Variants in DENND4C observed in about 807,000 individuals in gnomAD.
DENND4C encodes DENN domain-containing protein 4C.
Under a neutral mutation model 203.0 loss-of-function variants are expected in DENND4C, and 108 were observed. The observed-to-expected ratio is 0.53, with a 90% CI of 0.46 to 0.62. The LOEUF (loss-of-function observed/expected upper bound fraction) is 0.62, where lower values mean the gene tolerates loss of function less well. DENND4C is among the 20% of genes least tolerant of loss of function. The pLI is 0.00. For missense variants in DENND4C, 2,481 were observed against 2,301.2 expected (o/e 1.08, Z -1.60); for synonymous variants, 871 against 792.4 (o/e 1.10, Z -1.67).
intron 1 of DENND4C, among the ~76,000 whole-genome samples, chr9:19,267,135 C>G (rs1830667265): frequency 6.6e-6 from 1 of 152,140 alleles, no homozygotes; most frequent in Non-Finnish European, 1.5e-5. Context: ...TCCATTTAGT[C>G]TATAGTGCAG....
intron 1 of DENND4C, among the ~76,000 whole-genome samples, chr9:19,246,382 T>C (rs1183579208): frequency 1.3e-5 from 2 of 152,194 alleles, no homozygotes; most frequent in Non-Finnish European, 2.9e-5. Flanking sequence ...CTTTGTTTGC[T>C]AAGAAGACTA....
intron 24 of DENND4C, among the ~76,000 whole-genome samples, chr9:19,351,280 C>T (rs557003389): frequency 6.6e-6 from 1 of 152,254 alleles, no homozygotes; most frequent in East Asian, 1.9e-4. Context: ...TCAGAATAAT[C>T]TGGGAAATTT....
chr9:19,302,698 C>A (rs150739281), intron 9 of DENND4C, among the ~76,000 whole-genome samples: 2 of 152,320 alleles, frequency 1.3e-5, no homozygotes, highest in African/African-American at 4.8e-5. Flanking sequence ...GTGGCTCTGC[C>A]CTTCAGCAAT....
intron 30 of DENND4C, among the ~76,000 whole-genome samples, chr9:19,367,940 A>C (rs1376408379): frequency 6.6e-6 from 1 of 152,220 alleles, no homozygotes; most frequent in Admixed American, 6.5e-5. Flanking sequence ...CAGAATAAGA[A>C]AATGTATAGA....
chr9:19,348,613 A>G (rs1267750403), intron 23 of DENND4C, among the ~76,000 whole-genome samples: 1 of 152,220 alleles, frequency 6.6e-6, no homozygotes, highest in African/African-American at 2.4e-5. Context: ...AATTAGACGT[A>G]TAAGACTTTT....
At chr9:19,285,219 A>C (rs895771262) in intron 2 of DENND4C, among the ~76,000 whole-genome samples, 19 of 152,162 alleles carry the variant, frequency 1.2e-4, no homozygotes, top group African/African-American at 4.1e-4. Flanking sequence ...CTTTCTGTTC[A>C]CTTCCTTGCT....
chr9:19,232,539 G>T (rs1820841653), intron 1 of DENND4C, among the ~76,000 whole-genome samples: 1 of 152,150 alleles, frequency 6.6e-6, no homozygotes, highest in Non-Finnish European at 1.5e-5. Context: ...AAATTTTGAA[G>T]TTGCATATTG....
chr9:19,234,374 G>T (rs1055598424), intron 1 of DENND4C, among the ~76,000 whole-genome samples: 1 of 151,914 alleles, frequency 6.6e-6, no homozygotes, highest in African/African-American at 2.4e-5. Context: ...GGGACTACAG[G>T]TGCGTGCCAC....
At chr9:19,279,883 G>GT (rs1446864861) in intron 2 of DENND4C, among the ~76,000 whole-genome samples, 1 of 142,360 alleles carries the variant, frequency 7.0e-6, no homozygotes, top group African/African-American at 2.6e-5. Context: ...AGAAACAATG[G>GT]TTTAAAATAC....
chr9:19,330,598 A>G (rs1044089961), intron 16 of DENND4C, among the ~76,000 whole-genome samples: 2 of 151,366 alleles, frequency 1.3e-5, no homozygotes, highest in Non-Finnish European at 2.9e-5. Context: ...TCGGCCTCCC[A>G]AAGTGCTGGG....
chr9:19,331,159 A>G (rs1263915629), intron 16 of DENND4C, among the ~76,000 whole-genome samples: 4 of 151,998 alleles, frequency 2.6e-5, no homozygotes, highest in Non-Finnish European at 4.4e-5. Context: ...AGAAAACATG[A>G]CTATCAAACT....
In DENND4C at chr9:19,305,542, T is replaced by A. The variant is rs1839480775; in HGVS notation, c.1487+15T>A. 6.2e-7 allele frequency: 1 copy of A among 1,601,736 alleles called. No individual in the cohort carries two copies. Among genetic ancestry groups the A allele is most frequent in the African/African-American group, 1.3e-5 (1 of 74,832 alleles). On this transcript the variant is annotated intron_variant, in intron 10 of 32. Coordinates refer to ENST00000434457, the MANE Select transcript of DENND4C (RefSeq NM_001330640.2). ...ATGTTATATGTGTAAGTTGATTCATTTTATATTATCTCCCATTTATATTTT... is the reference window on the plus strand; with the variant it reads ...ATGTTATATGTGTAAGTTGATTCATATTATATTATCTCCCATTTATATTTT...
At chr9:19,288,477 A>G in intron 3 of DENND4C, 119 bp from the exon 4 acceptor site, 1 of 498,222 alleles carries the variant, frequency 2.0e-6, no homozygotes, top group Non-Finnish European at 3.1e-6. Context: ...ATAGTTCATT[A>G]TATAAACGTT....
intron 7 of DENND4C, among the ~76,000 whole-genome samples, chr9:19,298,425 A>T (rs1417169851): frequency 1.3e-5 from 2 of 152,174 alleles, no homozygotes; most frequent in East Asian, 3.8e-4. Context: ...TGTTTTTAAT[A>T]CCAGATTCTC....
chr9:19,359,147 A>G (rs1048486127), intron 28 of DENND4C, among the ~76,000 whole-genome samples: 1 of 151,848 alleles, frequency 6.6e-6, no homozygotes, highest in Non-Finnish European at 1.5e-5. Flanking sequence ...AGAGTTTTCA[A>G]AATAGCGAGT....
chr9:19,321,982 G>A (rs1224743958), intron 12 of DENND4C, among the ~76,000 whole-genome samples: 6 of 152,152 alleles, frequency 3.9e-5, no homozygotes, highest in Admixed American at 3.9e-4. Context: ...AAGGAATAAA[G>A]GATAGCTGTT....
Position 19,345,950 on chromosome 9 carries a change from C to G in DENND4C, c.3181C>G (p.Gln1061Glu). The change falls in exon 23 of 33, where the codon CAA (glutamine) becomes GAA (glutamate). Residue 1061 changes from glutamine to glutamate, a missense_variant. Around this residue, in one of 3 missense-constraint regions of DENND4C, gnomAD observed 2,289 missense variants for 2,113.3 expected, o/e 1.08. Coordinates refer to ENST00000434457, the MANE Select transcript of DENND4C (RefSeq NM_001330640.2). ...GSISNVLFST[Q>E]DPVEDAVFGE... ...TATATCAAATGTGCTGTTTTCTACT[C>G]AAGATCCAGTTGAAGATGCAGTCTT... 3.7e-6 allele frequency: 6 copies of G among 1,613,420 alleles called. No individual in the cohort carries two copies. Among genetic ancestry groups the G allele is most frequent in the Non-Finnish European group, 3.4e-6 (4 of 1,179,838 alleles).
chr9:19,360,157 A>G, intron 28 of DENND4C, 87 bp from the exon 29 acceptor site: 1 of 1,336,222 alleles, frequency 7.5e-7, no homozygotes. Context: ...TTTAAAAAGG[A>G]TAGAGAGGCA....
chr9:19,233,098 C>T lies in DENND4C; in HGVS notation c.-18+2265C>T, dbSNP rs56902587. On this transcript the variant is annotated intron_variant, in intron 1 of 32. Transcript: ENST00000434457. ...CAGTCATATGCTTGCACCTTAAGTA[C>T]AGGTTGTAAAGTAAAAAAGAAAGTT... is the stretch of plus-strand genomic sequence containing the variant. Among the ~76,000 whole-genome samples, 1,447 of 150,810 alleles carry T rather than the reference C, an allele frequency of 9.6e-3. 23 individuals carry two copies. The highest frequency in any genetic ancestry group is 0.033 in the African/African-American group (1,348 of 41,088).
Sources: gnomAD v4.1 joint callset for allele counts (sites outside exome capture counted in the v4.1 genomes callset) on GRCh38, gnomAD v4.1.1 for gene constraint, gnomAD v4.1.1 regional missense constraint, MANE v1.5 for transcripts, NCBI Gene and HGNC (gene_info 2026-07-23, HGNC 2026-07-21) for gene names.